CMTM8: variants seen among roughly 807,000 people sequenced by gnomAD.
CMTM8 encodes CKLF like MARVEL transmembrane domain containing 8, also known as CKLF-like MARVEL transmembrane domain-containing protein 8.
A neutral mutation model predicts 18.6 loss-of-function variants in CMTM8; 12 were observed. The observed-to-expected ratio is 0.65, with a 90% CI of 0.41 to 1.05. The LOEUF (loss-of-function observed/expected upper bound fraction) is 1.05, where lower values mean the gene tolerates loss of function less well. Ranked by LOEUF, CMTM8 falls within the 50% of genes least tolerant of loss-of-function variation. CMTM8 has a pLI of 0.00. For missense variants in CMTM8, 217 were observed against 227.2 expected (o/e 0.95, Z 0.29); for synonymous variants, 87 against 90.6 (o/e 0.96, Z 0.23).
intron 1 of CMTM8, among the ~76,000 whole-genome samples, chr3:32,319,074 A>ATATATT: frequency 0.014 from 450 of 31,538 alleles, 16 homozygotes; most frequent in Non-Finnish European, 0.017. Flanking sequence ...ATATATATAT[A>ATATATT]TTTTTTTTTT....
In CMTM8 at chr3:32,358,574, C is replaced by T. The variant is rs1292857045; in HGVS notation, c.321+1028C>T. On this transcript the variant is annotated intron_variant, in intron 2 of 3. Transcript: ENST00000307526. This position sits in a 1 kb window ranked among gnomAD's most constrained non-coding sequence, Gnocchi z 4.1. ...AGACTAAGTTAAGTTGGCACACTTTCAGACAACACTATCATTGTTCAAAAC... is the reference window on the plus strand; with the variant it reads ...AGACTAAGTTAAGTTGGCACACTTTTAGACAACACTATCATTGTTCAAAAC... 6.6e-6 allele frequency among the ~76,000 whole-genome samples: 1 copy of T among 152,192 alleles called. No homozygotes were observed. The highest frequency in any genetic ancestry group is 6.5e-5 in the Admixed American group (1 of 15,278).
intron 1 of CMTM8, among the ~76,000 whole-genome samples, chr3:32,280,377 C>T (rs1410857908): frequency 6.6e-6 from 1 of 152,164 alleles, no homozygotes; most frequent in African/African-American, 2.4e-5. Context: ...GATTGGTCCC[C>T]TTCTGCAACC....
chr3:32,291,106 C>T (rs990445728), intron 1 of CMTM8, among the ~76,000 whole-genome samples: 1 of 151,450 alleles, frequency 6.6e-6, no homozygotes, highest in Non-Finnish European at 1.5e-5. Context: ...AGATGAGAGG[C>T]AAAGGTGAGT....
chr3:32,316,176 C>T (rs376149667), intron 1 of CMTM8, among the ~76,000 whole-genome samples: 4 of 151,678 alleles, frequency 2.6e-5, no homozygotes, highest in Middle Eastern at 3.2e-3. Flanking sequence ...TACAGGCGCC[C>T]GCCACCAAGC....
intron 1 of CMTM8, among the ~76,000 whole-genome samples, chr3:32,290,717 G>A (rs576029868): frequency 6.6e-6 from 1 of 152,194 alleles, no homozygotes; most frequent in Non-Finnish European, 1.5e-5. Flanking sequence ...GTGATTTCAG[G>A]CTAGACACTT....
At chr3:32,336,700 GA>G (rs1696393465) in intron 1 of CMTM8, among the ~76,000 whole-genome samples, 1 of 152,200 alleles carries the variant, frequency 6.6e-6, no homozygotes, top group East Asian at 1.9e-4. Flanking sequence ...TTTTTATAGG[GA>G]CTCTTGCCTC....
At chr3:32,275,538 G>A (rs1702503970) in intron 1 of CMTM8, among the ~76,000 whole-genome samples, 1 of 152,070 alleles carries the variant, frequency 6.6e-6, no homozygotes, top group Non-Finnish European at 1.5e-5. Context: ...TTGTTCTGGG[G>A]GAGATGATAG....
chr3:32,313,033 A>G (rs75744923), intron 1 of CMTM8, among the ~76,000 whole-genome samples: 3,783 of 152,204 alleles, frequency 0.025, 164 homozygotes, highest in African/African-American at 0.087. Flanking sequence ...ACCAAAATGT[A>G]TATCTTATTA....
intron 1 of CMTM8, among the ~76,000 whole-genome samples, chr3:32,355,515 G>T (rs770600055): frequency 6.6e-6 from 1 of 152,094 alleles, no homozygotes; most frequent in Non-Finnish European, 1.5e-5. Flanking sequence ...TATTGGTCTT[G>T]AAGACTTCAT....
chr3:32,276,482 C>T (rs1158353219), intron 1 of CMTM8, among the ~76,000 whole-genome samples: 1 of 152,186 alleles, frequency 6.6e-6, no homozygotes, highest in African/African-American at 2.4e-5. Context: ...TACCTTCATG[C>T]TGGCACTGCT....
chr3:32,337,109 C>T (rs1011862998), intron 1 of CMTM8, among the ~76,000 whole-genome samples: 32 of 152,090 alleles, frequency 2.1e-4, no homozygotes, highest in African/African-American at 7.7e-4. Context: ...CTCATTAATC[C>T]ATGAATGGAT....
At chr3:32,281,324 G>C (rs989286504) in intron 1 of CMTM8, among the ~76,000 whole-genome samples, 2 of 152,152 alleles carry the variant, frequency 1.3e-5, no homozygotes, top group African/African-American at 4.8e-5. Context: ...TCTTCTCTTG[G>C]AACGTTTTGA....
At chr3:32,245,880 A>C (rs953535696) in intron 1 of CMTM8, among the ~76,000 whole-genome samples, 2 of 152,088 alleles carry the variant, frequency 1.3e-5, no homozygotes, top group African/African-American at 4.8e-5. Flanking sequence ...GCTCACTGCA[A>C]CCTTAGCTCA....
intron 1 of CMTM8, among the ~76,000 whole-genome samples, chr3:32,280,780 G>A (rs1381626429): frequency 6.7e-6 from 1 of 150,070 alleles, no homozygotes; most frequent in Non-Finnish European, 1.5e-5. Flanking sequence ...TGGTACCTGG[G>A]GTGGAGTCGA....
At chr3:32,298,967 T>TTG (rs1695554984) in intron 1 of CMTM8, among the ~76,000 whole-genome samples, 2 of 144,194 alleles carry the variant, frequency 1.4e-5, no homozygotes, top group Non-Finnish European at 3.0e-5. Flanking sequence ...TTTTTTTTTT[T>TTG]TAGAGACAGG....
Position 32,367,209 on chromosome 3 carries a change from C to T in CMTM8, c.322-663C>T, listed in dbSNP as rs74736123. ...ACCCAGCTTTGCATGGTTTCCTATG[C>T]ATGGTTCAGAGCATGGTTTCTTAGA... On this transcript the variant is annotated intron_variant, in intron 2 of 3. Transcript: ENST00000307526. Among the ~76,000 whole-genome samples the T allele has an allele frequency of 2.2e-3, 336 of 152,306 alleles. 4 individuals are homozygous for T. The highest frequency in any genetic ancestry group is 7.6e-3 in the African/African-American group (317 of 41,570).
At chr3:32,260,332 A>G (rs1702239110) in intron 1 of CMTM8, 7 of 616,430 alleles carry the variant, frequency 1.1e-5, no homozygotes, top group Admixed American at 2.7e-5. Context: ...GCTAAATATA[A>G]TGAACTATAC....
chr3:32,349,872 G>A (rs146027290), intron 1 of CMTM8, among the ~76,000 whole-genome samples: 3 of 152,138 alleles, frequency 2.0e-5, no homozygotes, highest in African/African-American at 7.2e-5. Flanking sequence ...GCTGGGTGTG[G>A]TGGCGCACGC....
At chr3:32,250,695 G>A (rs906985841) in intron 1 of CMTM8, among the ~76,000 whole-genome samples, 3 of 151,808 alleles carry the variant, frequency 2.0e-5, no homozygotes, top group African/African-American at 7.3e-5. Context: ...TGTTTGGATT[G>A]TTCAGTGCCA....
Sources: allele counts gnomAD v4.1 joint callset (sites outside exome capture counted in the v4.1 genomes callset), GRCh38; gene constraint gnomAD v4.1.1; non-coding constraint Gnocchi (gnomAD v3.1); transcripts MANE v1.5; gene names NCBI Gene and HGNC (gene_info 2026-07-23, HGNC 2026-07-21).